The following SHANK2 variants were observed in gnomAD, a reference collection of about 807,000 sequenced individuals.
SHANK2 encodes the protein SH3 and multiple ankyrin repeat domains protein 2.
SHANK2 carries 43 observed loss-of-function variants against 133.7 expected under a neutral mutation model. The observed-to-expected ratio is 0.32, with a 90% confidence interval of 0.25 to 0.41. The LOEUF is 0.41. Among genes scored for constraint, SHANK2 ranks in the 10% least tolerant of loss-of-function variants. The pLI, the probability that SHANK2 is intolerant of heterozygous loss-of-function variation, is 1.00. For synonymous variants in SHANK2, 1,017 were observed against 952.8 expected (o/e 1.07, Z -1.24); for missense variants, 1,994 against 2,235.8 (o/e 0.89, Z 2.18).
chr11:71,057,939 G>T (rs1469707354), intron 9 of SHANK2, among the ~76,000 whole-genome samples: 1 of 139,748 alleles, frequency 7.2e-6, no homozygotes, highest in Non-Finnish European at 1.5e-5. Flanking sequence ...TTTGAGACAG[G>T]GTCTCAGTCT....
At chr11:70,693,703 G>T (rs1448767130) in intron 15 of SHANK2, among the ~76,000 whole-genome samples, 1 of 152,210 alleles carries the variant, frequency 6.6e-6, no homozygotes, top group African/African-American at 2.4e-5. Flanking sequence ...GTCAGATCTT[G>T]ATAAATATTC....
At chr11:71,143,979 A>G (rs552345341) in intron 3 of SHANK2, among the ~76,000 whole-genome samples, 8 of 152,182 alleles carry the variant, frequency 5.3e-5, no homozygotes, top group African/African-American at 1.4e-4. Flanking sequence ...TCTTGCTAAA[A>G]AAAACCCACT....
At chr11:70,791,551 T>A (rs906719019) in intron 14 of SHANK2, among the ~76,000 whole-genome samples, 4 of 152,196 alleles carry the variant, frequency 2.6e-5, no homozygotes, top group African/African-American at 9.7e-5. Flanking sequence ...CAACTCTTCA[T>A]ACGCATCATC....
intron 3 of SHANK2, among the ~76,000 whole-genome samples, chr11:71,128,171 G>T (rs1952227722): frequency 6.6e-6 from 1 of 152,166 alleles, no homozygotes; most frequent in African/African-American, 2.4e-5. Context: ...TCTTCACCTT[G>T]CATTTCCTGT....
At chr11:70,760,470 G>A (rs1426913879) in intron 14 of SHANK2, among the ~76,000 whole-genome samples, 1 of 152,192 alleles carries the variant, frequency 6.6e-6, no homozygotes, top group African/African-American at 2.4e-5. Flanking sequence ...GGATTTGGAG[G>A]CCATCGTAAT....
In SHANK2 at chr11:70,629,121, C is replaced by T. The variant is rs112165939; in HGVS notation, c.2061+30707G>A. ...CTGAATTCAGTGGGGAAACGCGCCC[C>T]GGGCACCCTCCCTCCTCTGTCAGTG... On this transcript the variant is annotated intron_variant, in intron 17 of 25. Transcript: ENST00000601538. 2.9e-3 allele frequency among the ~76,000 whole-genome samples: 438 copies of T among 152,270 alleles called. 1 individual carries two copies. Among genetic ancestry groups the T allele is most frequent in the African/African-American group, 1.0e-2 (414 of 41,550 alleles).
chr11:70,737,809 T>G (rs1946436209), intron 14 of SHANK2, among the ~76,000 whole-genome samples: 1 of 152,218 alleles, frequency 6.6e-6, no homozygotes, highest in South Asian at 2.1e-4. Flanking sequence ...GGGGCCGGTT[T>G]TCCCTGCACA....
rs114115442 is a variant in SHANK2, at chr11:70,584,337, A to T, written c.2061+75491T>A. On this transcript the variant is annotated intron_variant, in intron 17 of 25. Coordinates refer to ENST00000601538, the MANE Select transcript of SHANK2 (RefSeq NM_012309.5). ...CTGTGTCTTTTATTTTCTCTTTCTG[A>T]TGCTCTGGCATCCAGGGTTTTGCTG... Among the ~76,000 whole-genome samples the T allele has an allele frequency of 4.3e-3, 659 of 152,134 alleles. 7 individuals are homozygous for T. Among genetic ancestry groups the T allele is most frequent in the African/African-American group, 0.015 (628 of 41,492 alleles).
intron 10 of SHANK2, among the ~76,000 whole-genome samples, chr11:70,937,960 T>TGTGC (rs1555083704): frequency 1.3e-5 from 2 of 152,176 alleles, no homozygotes; most frequent in African/African-American, 2.4e-5. Flanking sequence ...TGTGTGTGTG[T>TGTGC]GTGCATGTGT....
intron 15 of SHANK2, among the ~76,000 whole-genome samples, chr11:70,696,938 G>T (rs185706584): frequency 9.3e-4 from 142 of 152,288 alleles, no homozygotes; most frequent in Non-Finnish European, 1.4e-3. Flanking sequence ...TCCTAAAAAA[G>T]GGAAGAAAAT....
chr11:70,539,454 G>A (rs918565667), intron 17 of SHANK2, among the ~76,000 whole-genome samples: 11 of 105,858 alleles, frequency 1.0e-4, no homozygotes, highest in East Asian at 5.0e-4. Flanking sequence ...CTGTGACACC[G>A]CGGTCTGGGG....
chr11:70,655,808 T>G (rs1004493377), intron 17 of SHANK2, among the ~76,000 whole-genome samples: 5 of 152,164 alleles, frequency 3.3e-5, no homozygotes, highest in Non-Finnish European at 7.3e-5. Context: ...GAGGCTGGAA[T>G]GTCAACTTGC....
At chr11:70,822,271 A>T (rs1281714889) in intron 11 of SHANK2, among the ~76,000 whole-genome samples, 1 of 152,268 alleles carries the variant, frequency 6.6e-6, no homozygotes, top group Non-Finnish European at 1.5e-5. Flanking sequence ...GACCAGGGCT[A>T]CCATCTGACA....
chr11:70,810,914 G>A (rs1167377422), intron 12 of SHANK2, among the ~76,000 whole-genome samples: 3 of 152,152 alleles, frequency 2.0e-5, no homozygotes, highest in South Asian at 2.1e-4. Context: ...TCTCCTGGCC[G>A]GTGATGCGAC....
At chr11:71,194,552 G>T (rs1437742386) in intron 2 of SHANK2, among the ~76,000 whole-genome samples, 2 of 152,202 alleles carry the variant, frequency 1.3e-5, no homozygotes, top group African/African-American at 2.4e-5. Flanking sequence ...AGGGGGGCAG[G>T]TCCAGACAGA....
chr11:70,794,271 C>T (rs546047914), intron 14 of SHANK2, among the ~76,000 whole-genome samples: 157 of 114,240 alleles, frequency 1.4e-3, no homozygotes, highest in African/African-American at 4.2e-3. Context: ...ACAGAGACTC[C>T]GTCTCAGAAA....
chr11:70,561,682 T>G (rs74324381), intron 17 of SHANK2, among the ~76,000 whole-genome samples: 3,382 of 147,260 alleles, frequency 0.023, 66 homozygotes, highest in East Asian at 0.094. Context: ...ACGTGCACCG[T>G]CACACCCAGC....
At chr11:71,089,985 G>A (rs1951478382) in intron 8 of SHANK2, among the ~76,000 whole-genome samples, 2 of 152,324 alleles carry the variant, frequency 1.3e-5, no homozygotes, top group South Asian at 2.1e-4. Flanking sequence ...CTGAGGAGGG[G>A]AAGCAGCTCC....
intron 11 of SHANK2, among the ~76,000 whole-genome samples, chr11:70,821,930 C>A (rs1466972768): frequency 6.6e-6 from 1 of 152,164 alleles, no homozygotes; most frequent in Non-Finnish European, 1.5e-5. Context: ...AGGGCCAGGC[C>A]CTCACTCTCC....
Sources: gnomAD v4.1 joint callset for allele counts (sites outside exome capture counted in the v4.1 genomes callset) on GRCh38, gnomAD v4.1.1 for gene constraint, MANE v1.5 for transcripts, NCBI Gene and HGNC (gene_info 2026-07-23, HGNC 2026-07-21) for gene names.